MAN1C1: variants seen among roughly 807,000 people sequenced by gnomAD.
MAN1C1 encodes the protein mannosyl-oligosaccharide 1,2-alpha-mannosidase IC.
In MAN1C1, 49 loss-of-function variants were observed where a neutral mutation model predicts 71.5. That is an observed-to-expected ratio of 0.69 (90% CI 0.54 to 0.87). The LOEUF is 0.87. Among genes scored for constraint, MAN1C1 ranks in the 40% least tolerant of loss-of-function variants. The pLI is 0.00. For synonymous variants in MAN1C1, 352 were observed against 343.7 expected, an observed-to-expected ratio of 1.02 and a Z score of -0.27; for missense variants, 743 against 835.0, an observed-to-expected ratio of 0.89 and a Z score of 1.36.
chr1:25,723,829 A>G (rs777363812), intron 2 of MAN1C1, among the ~76,000 whole-genome samples: 3 of 152,136 alleles, frequency 2.0e-5, no homozygotes, highest in Non-Finnish European at 4.4e-5. Context: ...GTCTGTTCTA[A>G]GTGGTGCTTG....
chr1:25,630,040 G>A (rs936924300), intron 1 of MAN1C1, among the ~76,000 whole-genome samples: 2 of 152,026 alleles, frequency 1.3e-5, no homozygotes, highest in Non-Finnish European at 2.9e-5. Flanking sequence ...GATTTAAGTC[G>A]TTGACTCATC....
intron 2 of MAN1C1, among the ~76,000 whole-genome samples, chr1:25,712,191 G>A (rs149733876): frequency 1.5e-3 from 227 of 152,358 alleles, no homozygotes; most frequent in African/African-American, 4.4e-3. Flanking sequence ...TCAAACCAGC[G>A]TTCTGCTATG....
intron 7 of MAN1C1, among the ~76,000 whole-genome samples, chr1:25,767,233 A>G (rs1338832593): frequency 2.8e-5 from 3 of 106,298 alleles, no homozygotes; most frequent in African/African-American, 1.1e-4. Flanking sequence ...ACACACACCC[A>G]CACTCCCCTC....
chr1:25,682,538 C>G (rs1343995825), intron 1 of MAN1C1, among the ~76,000 whole-genome samples: 1 of 152,152 alleles, frequency 6.6e-6, no homozygotes, highest in African/African-American at 2.4e-5. Context: ...TGTGGGTCTG[C>G]AGTTTCAGAG....
intron 2 of MAN1C1, among the ~76,000 whole-genome samples, chr1:25,697,621 A>C (rs2046385646): frequency 6.6e-6 from 1 of 152,248 alleles, no homozygotes; most frequent in Non-Finnish European, 1.5e-5. Flanking sequence ...TTTTTGAGGA[A>C]CTGCCAGACT....
At chr1:25,710,813 TAAAG>T (rs2046603460) in intron 2 of MAN1C1, among the ~76,000 whole-genome samples, 1 of 152,162 alleles carries the variant, frequency 6.6e-6, no homozygotes, top group African/African-American at 2.4e-5. Context: ...AATGAATTCT[TAAAG>T]AAAGGTCAAG....
intron 6 of MAN1C1, among the ~76,000 whole-genome samples, chr1:25,763,486 C>T (rs1196407738): frequency 1.1e-5 from 1 of 87,632 alleles, no homozygotes; most frequent in Non-Finnish European, 2.2e-5. Context: ...GAGACTGTCT[C>T]AAAAAAAAAA....
chr1:25,657,544 A>G (rs905520317), intron 1 of MAN1C1, among the ~76,000 whole-genome samples: 1 of 152,078 alleles, frequency 6.6e-6, no homozygotes, highest in Non-Finnish European at 1.5e-5. Flanking sequence ...ATAATTTCCT[A>G]CCCATTTGTC....
chr1:25,751,869 C>T (rs191941608), intron 4 of MAN1C1, among the ~76,000 whole-genome samples: 28 of 152,280 alleles, frequency 1.8e-4, no homozygotes, highest in Admixed American at 2.0e-4. Flanking sequence ...CTTGGCATGG[C>T]GTCACTGCTT....
chr1:25,763,686 G>A, intron 6 of MAN1C1, 188 bp from the exon 7 acceptor site: 1 of 589,072 alleles, frequency 1.7e-6, no homozygotes, highest in Non-Finnish European at 3.1e-6. Context: ...CCTTCACGTG[G>A]CACCAGGGCA....
At chr1:25,675,242 T>G (rs957376550) in intron 1 of MAN1C1, among the ~76,000 whole-genome samples, 1 of 152,092 alleles carries the variant, frequency 6.6e-6, no homozygotes, top group Non-Finnish European at 1.5e-5. Context: ...CTGCAGTCTT[T>G]CCCCCAACTC....
chr1:25,728,610 G>C (rs940844850), intron 2 of MAN1C1, among the ~76,000 whole-genome samples: 7 of 152,174 alleles, frequency 4.6e-5, no homozygotes, highest in Non-Finnish European at 1.0e-4. Context: ...GGGTGATGGA[G>C]GCGCCATCAT....
intron 1 of MAN1C1, chr1:25,654,303 A>G (rs1402199943): frequency 6.6e-6 from 1 of 152,214 alleles, no homozygotes; most frequent in Admixed American, 6.5e-5. Flanking sequence ...AGTCTTGTGT[A>G]TGTGGTCCTA....
intron 1 of MAN1C1, among the ~76,000 whole-genome samples, chr1:25,641,480 A>G (rs1326578424): frequency 6.6e-6 from 1 of 152,186 alleles, no homozygotes; most frequent in Non-Finnish European, 1.5e-5. Context: ...CATAGCCTGG[A>G]TAGGCATGTA....
At chr1:25,627,386 T>C (rs144794134) in intron 1 of MAN1C1, among the ~76,000 whole-genome samples, 224 of 152,300 alleles carry the variant, frequency 1.5e-3, no homozygotes, top group African/African-American at 5.1e-3. Context: ...GCGATCTTCC[T>C]GCCTCAGCCT....
chr1:25,753,450 G>T lies in MAN1C1; in HGVS notation c.835-34G>T, dbSNP rs757862357. 1.5e-5 allele frequency: 24 copies of T among 1,551,888 alleles called. No homozygotes were observed. In the Admixed American group the frequency reaches 3.3e-4, roughly 21 times the overall value. On this transcript the variant is annotated intron_variant, in intron 4 of 11. Transcript: ENST00000374332. This position sits in a 1 kb window ranked among gnomAD's most constrained non-coding sequence, Gnocchi z 4.9. Reference sequence around the variant, plus strand: ...GGGTTGACCTTCCCTCACCCAGCCTGGAGTCAAAAGCCCTTTGATCCCCTC... The same window carrying T: ...GGGTTGACCTTCCCTCACCCAGCCTTGAGTCAAAAGCCCTTTGATCCCCTC...
chr1:25,663,638 C>T (rs891443103), intron 1 of MAN1C1, among the ~76,000 whole-genome samples: 2 of 152,154 alleles, frequency 1.3e-5, no homozygotes, highest in African/African-American at 2.4e-5. Context: ...GGGATTACTG[C>T]ATCGGGGATT....
chr1:25,720,797 G>A (rs1042480427), intron 2 of MAN1C1, among the ~76,000 whole-genome samples: 4 of 152,090 alleles, frequency 2.6e-5, no homozygotes, highest in African/African-American at 9.7e-5. Context: ...AAGTGTTATA[G>A]TTTTAGCTAT....
At chr1:25,768,606 C>T (rs2047494059) in intron 7 of MAN1C1, among the ~76,000 whole-genome samples, 1 of 113,142 alleles carries the variant, frequency 8.8e-6, no homozygotes, top group Non-Finnish European at 1.8e-5. Context: ...ACTCCCCTCA[C>T]ATACATCCAC....
Sources: allele counts gnomAD v4.1 joint callset (sites outside exome capture counted in the v4.1 genomes callset), GRCh38; gene constraint gnomAD v4.1.1; non-coding constraint Gnocchi (gnomAD v3.1); transcripts MANE v1.5; gene names NCBI Gene and HGNC (gene_info 2026-07-23, HGNC 2026-07-21).